RNF152: variants seen among roughly 807,000 people sequenced by gnomAD.
RNF152 encodes ring finger protein 152, also known as E3 ubiquitin-protein ligase RNF152.
In RNF152, 11 loss-of-function variants were observed where a neutral mutation model predicts 12.7. The ratio of observed to expected loss-of-function variants is 0.86; its 90% CI spans 0.54 to 1.43. RNF152 has a LOEUF of 1.43. Ranked by LOEUF, RNF152 falls within the 40% of genes most tolerant of loss-of-function variation. The pLI, the probability that RNF152 is intolerant of heterozygous loss-of-function variation, is 0.00. For synonymous variants in RNF152, 113 were observed against 120.3 expected (o/e 0.94, Z 0.40); for missense variants, 255 against 274.8 (o/e 0.93, Z 0.51).
intron 1 of RNF152, among the ~76,000 whole-genome samples, chr18:61,868,418 C>T (rs986159276): frequency 3.9e-5 from 6 of 152,280 alleles, no homozygotes; most frequent in African/African-American, 1.4e-4. Flanking sequence ...AGAATAAGTA[C>T]AGGTTTTAGG....
intron 1 of RNF152, among the ~76,000 whole-genome samples, chr18:61,819,149 T>C (rs1909257884): frequency 6.6e-6 from 1 of 152,218 alleles, no homozygotes; most frequent in Non-Finnish European, 1.5e-5. Context: ...AGAAGTCTTC[T>C]CTAAGAGTTT....
chr18:61,836,783 AG>A (rs1910207892), intron 1 of RNF152, among the ~76,000 whole-genome samples: 1 of 152,188 alleles, frequency 6.6e-6, no homozygotes, highest in South Asian at 2.1e-4. Flanking sequence ...ATACAGAAAA[AG>A]AAGGGGAAAG....
chr18:61,883,053 G>A lies in RNF152; in HGVS notation c.-136+9742C>T, dbSNP rs551696141. Among the ~76,000 whole-genome samples the A allele has an allele frequency of 5.9e-5, 9 of 152,282 alleles. No homozygotes were observed. The South Asian group carries it at 1.7e-3, about 28-fold the overall frequency. ...CTCAGATACCAGCACAGGAAACCCA[G>A]AGCATATCTAGATGCATGCATTTTC... On this transcript the variant is annotated intron_variant, in intron 1 of 1. Coordinates refer to ENST00000312828, the MANE Select transcript of RNF152 (RefSeq NM_173557.3).
intron 1 of RNF152, among the ~76,000 whole-genome samples, chr18:61,876,409 T>C (rs1175597296): frequency 6.6e-6 from 1 of 152,112 alleles, no homozygotes; most frequent in Non-Finnish European, 1.5e-5. Context: ...AGGGAAGATA[T>C]AAGAGCATTA....
chr18:61,871,589 C>A (rs948294328), intron 1 of RNF152, among the ~76,000 whole-genome samples: 4 of 152,174 alleles, frequency 2.6e-5, no homozygotes, highest in African/African-American at 4.8e-5. Context: ...TTCACCATAT[C>A]ATTAAGAAAT....
At chr18:61,877,721 C>T (rs1162493708) in intron 1 of RNF152, among the ~76,000 whole-genome samples, 1 of 152,114 alleles carries the variant, frequency 6.6e-6, no homozygotes, top group Non-Finnish European at 1.5e-5. Context: ...TGCAATAAGG[C>T]TGATGCTGCA....
intron 1 of RNF152, among the ~76,000 whole-genome samples, chr18:61,853,710 T>G (rs544231128): frequency 6.6e-6 from 1 of 152,330 alleles, no homozygotes; most frequent in African/African-American, 2.4e-5. Flanking sequence ...CTATTCTACC[T>G]CTTTTTCATA....
rs901474428 is a variant in RNF152 at position 61,820,537 on chromosome 18, C to T, written c.-135-3939G>A. ...CTCTACTGAGATGTAGCTGTGCCTG[C>T]GGGGAAGGATTGCTCACGTTGAGCT... On this transcript the variant is annotated intron_variant, in intron 1 of 1. Transcript: ENST00000312828. Among the ~76,000 whole-genome samples, 6 of 151,706 alleles carry T rather than the reference C, an allele frequency of 4.0e-5. No homozygotes were observed. In the Middle Eastern group the frequency reaches 0.014, roughly 344 times the overall value.
rs769127648 is a variant in RNF152 at position 61,816,016 on chromosome 18, C to T, written c.448G>A (p.Ala150Thr). Residue 150 changes from alanine to threonine, a missense_variant, in exon 2 of 2, where the codon GCG becomes ACG. By Grantham distance (58) the Ala-to-Thr change is moderately conservative. Transcript: ENST00000312828. ...CGCCTGTCCTGCTCCTCCTCCACCG[C>T]CTCCTGGGGAGCCCCACCTTGCAGA... Reference protein sequence around the residue: ...QPLQGGAPQEAVEEEQDRRGV... With the variant: ...QPLQGGAPQETVEEEQDRRGV... 4 of 1,614,236 alleles carry T rather than the reference C, an allele frequency of 2.5e-6. No individual in the cohort carries two copies. The highest frequency in any genetic ancestry group is 3.4e-6 in the Non-Finnish European group (4 of 1,180,044).
chr18:61,874,468 A>G (rs1912128632), intron 1 of RNF152, among the ~76,000 whole-genome samples: 1 of 152,264 alleles, frequency 6.6e-6, no homozygotes, highest in Non-Finnish European at 1.5e-5. Flanking sequence ...CACATTCAAA[A>G]TAATGTGCAA....
At position 61,836,862 on chromosome 18, in the gene RNF152, A is replaced by C. The variant is rs79849839; in HGVS notation, c.-135-20264T>G. On this transcript the variant is annotated intron_variant, in intron 1 of 1. Transcript: ENST00000312828. ...TGAAAGCCACCATTTTACCATCTCC[A>C]ATGTAATGACCAATTTAGGCATAAA... is the stretch of plus-strand genomic sequence containing the variant. Among the ~76,000 whole-genome samples, 1,396 of 152,342 alleles carry C rather than the reference A, an allele frequency of 9.2e-3. 14 individuals carry two copies. The highest frequency in any genetic ancestry group is 0.032 in the African/African-American group (1,351 of 41,572).
intron 1 of RNF152, among the ~76,000 whole-genome samples, chr18:61,873,967 A>G (rs1175584715): frequency 6.6e-6 from 1 of 152,228 alleles, no homozygotes; most frequent in Non-Finnish European, 1.5e-5. Flanking sequence ...AACCCCTTGC[A>G]TCCTCTAAAG....
In RNF152 at chr18:61,809,882, T is replaced by C. The variant is rs568989688; in HGVS notation, c.*5970A>G. On this transcript the variant is annotated 3_prime_UTR_variant, in exon 2 of 2. Coordinates refer to ENST00000312828, the MANE Select transcript of RNF152 (RefSeq NM_173557.3). ...AAAAAAAAAAAAAAAAAAAAAGTCA[T>C]TGGCTCGACTGAGCAAGAAAATTTG... The C allele has an allele frequency of 1.8e-4, 25 of 136,580 alleles. No homozygotes were observed. Among genetic ancestry groups the C allele is most frequent in the African/African-American group, 6.5e-4 (24 of 36,876 alleles). The allele number at this position is 136,580 out of a possible 1,614,324, so 8.5% of individuals were successfully genotyped here.
intron 1 of RNF152, among the ~76,000 whole-genome samples, chr18:61,821,808 T>C (rs1451865176): frequency 2.6e-5 from 4 of 152,052 alleles, no homozygotes; most frequent in Admixed American, 1.3e-4. Flanking sequence ...TACTGTGAAC[T>C]TCACATGCAA....
At chr18:61,832,379 A>G (rs1273462850) in intron 1 of RNF152, among the ~76,000 whole-genome samples, 1 of 152,242 alleles carries the variant, frequency 6.6e-6, no homozygotes, top group Non-Finnish European at 1.5e-5. Context: ...TATTTTTACA[A>G]TATAAAATAT....
At chr18:61,845,214 G>A (rs758570766) in intron 1 of RNF152, among the ~76,000 whole-genome samples, 3 of 152,216 alleles carry the variant, frequency 2.0e-5, no homozygotes, top group Non-Finnish European at 4.4e-5. Context: ...GCCTCCCAAA[G>A]CAATGGGATA....
chr18:61,891,060 C>G (rs1241716400), intron 1 of RNF152, among the ~76,000 whole-genome samples: 1 of 152,160 alleles, frequency 6.6e-6, no homozygotes, highest in Non-Finnish European at 1.5e-5. Flanking sequence ...TCCCCCTACA[C>G]CCAACCCCAA....
Position 61,816,445 on chromosome 18 carries a change from C to A in RNF152, c.19G>T (p.Asp7Tyr). 6.2e-7 allele frequency: 1 copy of A among 1,604,806 alleles called. No homozygotes were observed. Among genetic ancestry groups the A allele is most frequent in the Non-Finnish European group, 8.5e-7 (1 of 1,173,030 alleles). The change falls in exon 2 of 2, where the codon GAC (aspartate) becomes TAC (tyrosine). Residue 7 changes from aspartate to tyrosine, a missense_variant. By Grantham distance (160) the Asp-to-Tyr change is radical. Coordinates refer to ENST00000312828, the MANE Select transcript of RNF152 (RefSeq NM_173557.3). The stretch of plus-strand genomic sequence containing the variant: ...CAGATCTGACATTCCAGCAGAGAGT[C>A]CTGGGACAGCGTCTCCATGGTGGAC... METLSQDSLLECQICFN... is the reference protein window; with the variant it reads METLSQYSLLECQICFN...
chr18:61,822,833 G>C (rs749888037), intron 1 of RNF152, among the ~76,000 whole-genome samples: 3 of 152,170 alleles, frequency 2.0e-5, no homozygotes, highest in Non-Finnish European at 4.4e-5. Context: ...ATTAAACTAG[G>C]CACTACATTG....
Sources: allele counts gnomAD v4.1 joint callset (sites outside exome capture counted in the v4.1 genomes callset), GRCh38; gene constraint gnomAD v4.1.1; transcripts MANE v1.5; gene names NCBI Gene and HGNC (gene_info 2026-07-23, HGNC 2026-07-21).